Variants in CSMD1 observed in about 807,000 individuals in gnomAD.
CSMD1 encodes the protein CUB and Sushi multiple domains 1.
In CSMD1, 213 loss-of-function variants were observed where a neutral mutation model predicts 417.5. That is an observed-to-expected ratio of 0.51 (90% CI 0.46 to 0.57). CSMD1 has a LOEUF of 0.57. CSMD1 is among the 20% of genes least tolerant of loss of function. The pLI, the probability that CSMD1 is intolerant of heterozygous loss-of-function variation, is 0.00. For synonymous variants in CSMD1, 2,862 were observed against 1,736.8 expected, an observed-to-expected ratio of 1.65 and a Z score of -16.11; for missense variants, 6,923 against 4,529.7, an observed-to-expected ratio of 1.53 and a Z score of -15.17.
At chr8:3,406,704 T>A (rs1356513672) in intron 14 of CSMD1, among the ~76,000 whole-genome samples, 1 of 152,216 alleles carries the variant, frequency 6.6e-6, no homozygotes, top group Non-Finnish European at 1.5e-5. Context: ...ACAATTATTG[T>A]CCAATTCTAA....
intron 8 of CSMD1, among the ~76,000 whole-genome samples, chr8:3,609,443 T>C (rs1801781318): frequency 6.6e-6 from 1 of 152,206 alleles, no homozygotes; most frequent in Admixed American, 6.5e-5. Flanking sequence ...TGAATTCAAA[T>C]AAGCAAGCTT....
chr8:3,019,991 C>A (rs966541027), intron 51 of CSMD1, among the ~76,000 whole-genome samples: 1 of 152,192 alleles, frequency 6.6e-6, no homozygotes, highest in Admixed American at 6.5e-5. Flanking sequence ...TTCGCTGCAG[C>A]CTGCAGTGGC....
intron 4 of CSMD1, among the ~76,000 whole-genome samples, chr8:4,009,891 T>C (rs935714174): frequency 6.6e-6 from 1 of 152,038 alleles, no homozygotes; most frequent in Admixed American, 6.6e-5. Flanking sequence ...TTTGTCTTCC[T>C]TTACAACAGT....
At chr8:4,211,878 A>T (rs1004833635) in intron 3 of CSMD1, among the ~76,000 whole-genome samples, 2 of 152,188 alleles carry the variant, frequency 1.3e-5, no homozygotes, top group Non-Finnish European at 2.9e-5. Flanking sequence ...ACCCAACATC[A>T]TATCTACAGA....
At chr8:4,436,194 C>T (rs192628180) in intron 2 of CSMD1, among the ~76,000 whole-genome samples, 375 of 152,250 alleles carry the variant, frequency 2.5e-3, no homozygotes, top group Middle Eastern at 0.01. Flanking sequence ...CAGACACTGG[C>T]TTTAGGCTTC....
intron 12 of CSMD1, among the ~76,000 whole-genome samples, chr8:3,453,289 G>A (rs1167320943): frequency 6.6e-6 from 1 of 151,884 alleles, no homozygotes; most frequent in Non-Finnish European, 1.5e-5. Flanking sequence ...TTTTTTGAAG[G>A]GTTTTTTGTG....
At chr8:4,654,142 C>G (rs998398227) in intron 1 of CSMD1, among the ~76,000 whole-genome samples, 1 of 152,114 alleles carries the variant, frequency 6.6e-6, no homozygotes, top group African/African-American at 2.4e-5. Context: ...GCTGCAATTT[C>G]TATTTCTCAA....
chr8:3,189,877 G>A (rs1235600662), intron 34 of CSMD1, 35 bp downstream of exon 34: 2 of 1,531,018 alleles, frequency 1.3e-6, no homozygotes, highest in Non-Finnish European at 1.8e-6. Context: ...CCACCACAGA[G>A]TTCTGGCGGG....
At chr8:4,065,283 G>A (rs1799185651) in intron 3 of CSMD1, among the ~76,000 whole-genome samples, 1 of 152,194 alleles carries the variant, frequency 6.6e-6, no homozygotes, top group Admixed American at 6.5e-5. Flanking sequence ...GTTGGGCAGT[G>A]CTTCCCCATC....
chr8:3,216,877 C>G (rs1311032840), intron 29 of CSMD1, among the ~76,000 whole-genome samples: 1 of 152,256 alleles, frequency 6.6e-6, no homozygotes, highest in Non-Finnish European at 1.5e-5. Context: ...GATCTGTCAC[C>G]TGCTTTGCTA....
Position 3,087,088 on chromosome 8 carries a change from AT to A in CSMD1, c.7474+8del. On this transcript the variant is annotated splice_region_variant and intron_variant, in intron 49 of 69. Coordinates refer to ENST00000635120, the MANE Select transcript of CSMD1 (RefSeq NM_033225.6). ...GAAACAAGGCTGGGGATGAAAACGC[AT>A]TTCTTACCCTGGCAGAGTGGCGTGA... 2.5e-6 allele frequency: 4 copies of A among 1,611,256 alleles called. No homozygotes were observed. The highest frequency in any genetic ancestry group is 3.4e-6 in the Non-Finnish European group (4 of 1,178,470).
Position 3,091,609 on chromosome 8 carries a change from G to C in CSMD1, c.7192C>G (p.Gln2398Glu), listed in dbSNP as rs374264402. The C allele has an allele frequency of 6.2e-7, 1 of 1,611,574 alleles. No individual in the cohort carries two copies. The highest frequency in any genetic ancestry group is 8.5e-7 in the Non-Finnish European group (1 of 1,179,404). Residue 2398 changes from glutamine to glutamate, a missense_variant, in exon 48 of 70, where the codon CAA becomes GAA. Gln to Glu is a conservative substitution (Grantham distance 29). Coordinates refer to ENST00000635120, the MANE Select transcript of CSMD1 (RefSeq NM_033225.6). Reference sequence around the variant, plus strand: ...TTACTCCTGCTTGTAAAATTTGATTGTTCAGTATGATTCCCACTTAAGACT... The same window carrying C: ...TTACTCCTGCTTGTAAAATTTGATTCTTCAGTATGATTCCCACTTAAGACT... ...LVVLSGNHTEQSNFTSRSNQL... is the reference protein window; with the variant it reads ...LVVLSGNHTEESNFTSRSNQL...
At chr8:4,755,315 T>G (rs1410219929) in intron 1 of CSMD1, among the ~76,000 whole-genome samples, 1 of 152,212 alleles carries the variant, frequency 6.6e-6, no homozygotes, top group African/African-American at 2.4e-5. Flanking sequence ...CACTTGACAA[T>G]CTTATGTTCA....
intron 3 of CSMD1, among the ~76,000 whole-genome samples, chr8:4,037,418 G>A (rs886606745): frequency 6.6e-6 from 1 of 152,180 alleles, no homozygotes; most frequent in East Asian, 1.9e-4. Context: ...AGAGAATAAA[G>A]AGGATGTCTA....
intron 1 of CSMD1, among the ~76,000 whole-genome samples, chr8:4,638,950 A>C (rs1803023682): frequency 6.6e-6 from 1 of 152,194 alleles, no homozygotes; most frequent in Admixed American, 6.5e-5. Context: ...TTGAAAGAAT[A>C]GAACCCTTGA....
intron 3 of CSMD1, among the ~76,000 whole-genome samples, chr8:4,232,218 CAG>C (rs1439933054): frequency 6.6e-6 from 1 of 152,112 alleles, no homozygotes; most frequent in East Asian, 1.9e-4. Context: ...ATTTTTAAGA[CAG>C]AGTCTCGCTC....
intron 7 of CSMD1, among the ~76,000 whole-genome samples, chr8:3,632,001 T>A (rs1325845295): frequency 6.6e-6 from 1 of 152,232 alleles, no homozygotes; most frequent in East Asian, 1.9e-4. Flanking sequence ...AAATTACTGA[T>A]TCTCTAACCA....
At chr8:4,543,114 G>C (rs1797474051) in intron 2 of CSMD1, among the ~76,000 whole-genome samples, 1 of 152,054 alleles carries the variant, frequency 6.6e-6, no homozygotes, top group African/African-American at 2.4e-5. Context: ...CATTAGTGTG[G>C]CACATTTATT....
chr8:3,162,340 T>G, intron 37 of CSMD1, 63 bp from the exon 38 acceptor site: 2 of 1,073,698 alleles, frequency 1.9e-6, no homozygotes, highest in South Asian at 2.7e-5. Context: ...ATCATTTGAA[T>G]AACCAAAGTT....
Sources: gnomAD v4.1 joint callset for allele counts (sites outside exome capture counted in the v4.1 genomes callset) on GRCh38, gnomAD v4.1.1 for gene constraint, MANE v1.5 for transcripts, NCBI Gene and HGNC (gene_info 2026-07-23, HGNC 2026-07-21) for gene names.